The following TMIGD3 variants were observed in gnomAD, a reference collection of about 807,000 sequenced individuals.
The protein encoded by TMIGD3 is AD026 protein (AD026).
In TMIGD3, 21 loss-of-function variants were observed where a neutral mutation model predicts 28.1. That is an observed-to-expected ratio of 0.75 (90% confidence interval 0.53 to 1.08). The LOEUF (loss-of-function observed/expected upper bound fraction) is 1.08, where lower values mean the gene tolerates loss of function less well. Ranked by LOEUF, TMIGD3 falls within the 50% of genes least tolerant of loss-of-function variation. The pLI is 0.00. For missense variants in TMIGD3, 416 were observed against 435.6 expected, an observed-to-expected ratio of 0.96 and a Z score of 0.40; for synonymous variants, 151 against 162.1, an observed-to-expected ratio of 0.93 and a Z score of 0.52.
At chr1:111,512,101 C>T (rs1005217799) in intron 1 of TMIGD3, among the ~76,000 whole-genome samples, 1 of 152,224 alleles carries the variant, frequency 6.6e-6, no homozygotes, top group Non-Finnish European at 1.5e-5. Context: ...GGCCAAAGAG[C>T]TTAGGGCCCT....
chr1:111,507,930 C>G (rs1655566295), upstream of TMIGD3, among the ~76,000 whole-genome samples: 1 of 152,258 alleles, frequency 6.6e-6, no homozygotes, highest in Non-Finnish European at 1.5e-5. Context: ...GGGGGTCAGG[C>G]TGGGCTTTCC....
chr1:111,535,570 A>G (rs1489268716), intron 1 of TMIGD3, among the ~76,000 whole-genome samples: 2 of 152,262 alleles, frequency 1.3e-5, no homozygotes, highest in Non-Finnish European at 2.9e-5. Context: ...CATCGTAGGC[A>G]GAGCAAATGT....
At chr1:111,512,174 C>CGACTACCCACT (rs1655711097) in intron 1 of TMIGD3, among the ~76,000 whole-genome samples, 1 of 152,242 alleles carries the variant, frequency 6.6e-6, no homozygotes. Context: ...GCCAGTTGGC[C>CGACTACCCACT]AGTCAACCCA....
intron 2 of TMIGD3, 148 bp downstream of exon 2, chr1:111,490,508 C>A: frequency 1.6e-6 from 1 of 617,620 alleles, no homozygotes; most frequent in Non-Finnish European, 2.9e-6. Flanking sequence ...TGGACAAGAC[C>A]TATTTTCATC....
At chr1:111,546,968 A>G (rs1657056618) in intron 1 of TMIGD3, among the ~76,000 whole-genome samples, 1 of 152,160 alleles carries the variant, frequency 6.6e-6, no homozygotes, top group African/African-American at 2.4e-5. Context: ...GTTTTTAATA[A>G]TAGCCATCCT....
chr1:111,506,816 T>C (rs1172813986), upstream of TMIGD3, among the ~76,000 whole-genome samples: 1 of 151,632 alleles, frequency 6.6e-6, no homozygotes, highest in Non-Finnish European at 1.5e-5. Context: ...CTGGTAAGGC[T>C]GGGGCCCCAA....
Position 111,549,884 on chromosome 1 carries a change from C to G in TMIGD3, c.107+13962G>C, listed in dbSNP as rs1657192894. Among the ~76,000 whole-genome samples, 3 of 152,132 alleles carry G rather than the reference C, an allele frequency of 2.0e-5. 1 individual carries two copies. On this transcript the variant is annotated intron_variant, in intron 1 of 5. Transcript: ENST00000369717. ...CACAGACTGGCCTTAAACTCCTAGC[C>G]TCAAGTAATCCTCCTGTCCCAGCCT...
intron 1 of TMIGD3, among the ~76,000 whole-genome samples, chr1:111,560,157 C>G (rs952611132): frequency 6.6e-6 from 1 of 152,178 alleles, no homozygotes; most frequent in Admixed American, 6.5e-5. Flanking sequence ...CTAGCATTCT[C>G]TTAGCATACT....
intron 2 of TMIGD3, chr1:111,489,411 G>C (rs928664042): frequency 9.6e-6 from 3 of 311,518 alleles, no homozygotes; most frequent in Non-Finnish European, 1.6e-5. Flanking sequence ...TCTGCAAACC[G>C]AGAGATGGCC....
In TMIGD3 at chr1:111,502,057, A is replaced by T. The variant is rs1191572120; in HGVS notation, c.350+948T>A. ...TATAGGATATATATTTAATATAATAAATATATAGGATATATATATTATAAT... is the reference window on the plus strand; with the variant it reads ...TATAGGATATATATTTAATATAATATATATATAGGATATATATATTATAAT... On this transcript the variant is annotated intron_variant, in intron 1 of 5. Coordinates refer to ENST00000369716, the MANE Select transcript of TMIGD3 (RefSeq NM_020683.7). Among the ~76,000 whole-genome samples the T allele has an allele frequency of 3.6e-5, 5 of 139,492 alleles. No homozygotes were observed. The East Asian group carries it at 6.0e-4, about 17-fold the overall frequency. The allele number at this position is 139,492 out of a possible 152,430, so 91.5% of individuals were successfully genotyped here.
rs1002582395 is a variant in TMIGD3, at chr1:111,541,924, C to A, written c.107+21922G>T. The stretch of plus-strand genomic sequence containing the variant: ...AGAAAGTCCTAAGTCAAAATTGAAA[C>A]AAAAGATCCACTGCCTTCAAAAGAA... On this transcript the variant is annotated intron_variant, in intron 1 of 5. Transcript: ENST00000369717. Among the ~76,000 whole-genome samples the A allele has an allele frequency of 1.3e-5, 2 of 152,092 alleles. 1 individual carries two copies. Among genetic ancestry groups the A allele is most frequent in the South Asian group, 4.1e-4 (2 of 4,826 alleles).
At chr1:111,563,612 T>C (rs1301154636) in intron 1 of TMIGD3, among the ~76,000 whole-genome samples, 1 of 152,220 alleles carries the variant, frequency 6.6e-6, no homozygotes. Context: ...CCTCCAGAGC[T>C]AATAACTTGT....
intron 1 of TMIGD3, among the ~76,000 whole-genome samples, chr1:111,532,092 A>ACT (rs1278077647): frequency 1.2e-5 from 1 of 85,884 alleles, no homozygotes; most frequent in Non-Finnish European, 2.8e-5. Context: ...ATAGCCCTGT[A>ACT]CTCTGCTTCT....
intron 3 of TMIGD3, among the ~76,000 whole-genome samples, chr1:111,488,424 G>A (rs1200974663): frequency 6.6e-6 from 1 of 152,202 alleles, no homozygotes; most frequent in Non-Finnish European, 1.5e-5. Flanking sequence ...CCTTAAACCA[G>A]ATTGCTGTAA....
At chr1:111,505,124 CAAAAA>C (rs754473063), upstream of TMIGD3, 31 of 103,378 alleles carry the variant, frequency 3.0e-4, no homozygotes, top group Non-Finnish European at 4.8e-4. Flanking sequence ...AGCACTCTGC[CAAAAA>C]AAAAAAAAAA....
intron 1 of TMIGD3, among the ~76,000 whole-genome samples, chr1:111,562,773 T>C (rs547266184): frequency 2.0e-5 from 3 of 152,244 alleles, no homozygotes; most frequent in Non-Finnish European, 4.4e-5. Flanking sequence ...TTCCTCTTGA[T>C]AGGCTGGAAG....
chr1:111,492,941 T>G (rs987334977), intron 1 of TMIGD3, among the ~76,000 whole-genome samples: 2 of 152,156 alleles, frequency 1.3e-5, no homozygotes, highest in African/African-American at 2.4e-5. Context: ...TAACTTTCAT[T>G]CTATTTAGAT....
chr1:111,498,836 A>G lies in TMIGD3; in HGVS notation c.350+4169T>C, dbSNP rs377690120. ...TGCAATGGTTCACACCTGTAATCCC[A>G]ACACTTTGGCAAGGCCAAGGCAGGA... On this transcript the variant is annotated intron_variant, in intron 1 of 5. Coordinates refer to ENST00000369716, the MANE Select transcript of TMIGD3 (RefSeq NM_020683.7). Among the ~76,000 whole-genome samples, 4 of 152,356 alleles carry G rather than the reference A, an allele frequency of 2.6e-5. No homozygotes were observed. The East Asian group carries it at 7.7e-4, about 29-fold the overall frequency.
intron 4 of TMIGD3, 99 bp from the exon 5 acceptor site, chr1:111,485,939 C>A: frequency 1.1e-6 from 1 of 882,182 alleles, no homozygotes; most frequent in Non-Finnish European, 1.8e-6. Flanking sequence ...CCCTGCCCAC[C>A]CCCCAACCCA....
Sources: allele counts gnomAD v4.1 joint callset (sites outside exome capture counted in the v4.1 genomes callset), GRCh38; gene constraint gnomAD v4.1.1; transcripts MANE v1.5; gene names NCBI Gene and HGNC (gene_info 2026-07-23, HGNC 2026-07-21).